Variants in MACROD2 observed in about 807,000 individuals in gnomAD.
The protein encoded by MACROD2 is mono-ADP ribosylhydrolase 2.
MACROD2 carries 36 observed loss-of-function variants against 70.4 expected under a neutral mutation model. The ratio of observed to expected loss-of-function variants is 0.51; its 90% CI spans 0.39 to 0.68. The LOEUF is 0.68. Among genes scored for constraint, MACROD2 ranks in the 30% least tolerant of loss-of-function variants. The pLI is 0.00. For synonymous variants in MACROD2, 172 were observed against 178.8 expected, an observed-to-expected ratio of 0.96 and a Z score of 0.30; for missense variants, 496 against 538.4, an observed-to-expected ratio of 0.92 and a Z score of 0.78.
At position 15,967,589 on chromosome 20, in the gene MACROD2, A is replaced by G. The variant is rs1270902419; in HGVS notation, c.944A>G (p.Glu315Gly). Residue 315 changes from glutamate to glycine, a missense_variant, in exon 13 of 18, where the codon GAA becomes GGA. Glu to Gly is a moderately conservative substitution (Grantham distance 98). Transcript: ENST00000684519. ...AKDENITKGG[E>G]VTDHSVRDQD... ...GATGAAAATATTACAAAAGGCGGTG[A>G]AGTGACAGATCATTCTGTGCGTGAC... is the stretch of plus-strand genomic sequence containing the variant. The G allele has an allele frequency of 1.2e-6, 2 of 1,611,776 alleles. No homozygotes were observed. The highest frequency in any genetic ancestry group is 4.5e-5 in the East Asian group (2 of 44,748).
chr20:15,709,851 C>T (rs1044482132), intron 8 of MACROD2, among the ~76,000 whole-genome samples: 2 of 151,870 alleles, frequency 1.3e-5, no homozygotes, highest in African/African-American at 4.8e-5. Flanking sequence ...CTGTAGCCAC[C>T]CTATAATACT....
At chr20:15,206,751 A>T in intron 5 of MACROD2, among the ~76,000 whole-genome samples, 1 of 19,998 alleles carries the variant, frequency 5.0e-5, no homozygotes, top group Non-Finnish European at 8.8e-5. Context: ...TTTTTTTGAG[A>T]CGGAGTCTCG....
At chr20:15,866,487 C>G (rs539183788) in intron 9 of MACROD2, among the ~76,000 whole-genome samples, 3 of 152,012 alleles carry the variant, frequency 2.0e-5, no homozygotes, top group African/African-American at 7.2e-5. Flanking sequence ...AAGGCAGCAA[C>G]TATATGAAAC....
chr20:14,428,865 G>A (rs1233532601), intron 3 of MACROD2, among the ~76,000 whole-genome samples: 4 of 152,136 alleles, frequency 2.6e-5, no homozygotes, highest in Admixed American at 2.6e-4. Flanking sequence ...ATACTCCTGA[G>A]TCTATAGGGA....
At chr20:14,515,743 CT>C (rs1238276191) in intron 4 of MACROD2, among the ~76,000 whole-genome samples, 1 of 151,908 alleles carries the variant, frequency 6.6e-6, no homozygotes, top group Non-Finnish European at 1.5e-5. Flanking sequence ...TTGAAGGATA[CT>C]AAATTCCATT....
chr20:14,663,927 A>G (rs1237651262), intron 4 of MACROD2, among the ~76,000 whole-genome samples: 2 of 152,018 alleles, frequency 1.3e-5, no homozygotes, highest in African/African-American at 2.4e-5. Context: ...TTTGTGTCTT[A>G]TGGCCATTAA....
At chr20:14,005,045 A>G (rs1327969262) in intron 2 of MACROD2, among the ~76,000 whole-genome samples, 1 of 152,170 alleles carries the variant, frequency 6.6e-6, no homozygotes, top group Non-Finnish European at 1.5e-5. Context: ...TGTTATTATA[A>G]TACAATAGAA....
chr20:14,095,526 T>C (rs1402953399), intron 3 of MACROD2, among the ~76,000 whole-genome samples: 2 of 152,216 alleles, frequency 1.3e-5, no homozygotes, highest in South Asian at 2.1e-4. Context: ...CCTCTGGTTA[T>C]ACAGCCAGTA....
chr20:14,285,494 A>T (rs766837341), intron 3 of MACROD2, among the ~76,000 whole-genome samples: 4 of 152,094 alleles, frequency 2.6e-5, no homozygotes, highest in Non-Finnish European at 4.4e-5. Context: ...AACCCTATTC[A>T]GTTATTTTGT....
intron 5 of MACROD2, among the ~76,000 whole-genome samples, chr20:14,759,887 A>C (rs2123750832): frequency 6.6e-6 from 1 of 152,208 alleles, no homozygotes; most frequent in Admixed American, 6.5e-5. Flanking sequence ...TTTTCTGATT[A>C]TCAAGGAGGA....
chr20:15,692,321 G>A (rs1275768799), intron 8 of MACROD2, among the ~76,000 whole-genome samples: 1 of 152,170 alleles, frequency 6.6e-6, no homozygotes, highest in Non-Finnish European at 1.5e-5. Flanking sequence ...CCAAGAGCCA[G>A]CATGCCTGTC....
chr20:14,421,237 A>G (rs1052187359), intron 3 of MACROD2, among the ~76,000 whole-genome samples: 4 of 152,214 alleles, frequency 2.6e-5, no homozygotes, highest in African/African-American at 9.6e-5. Context: ...AACGAGGCAG[A>G]AAGTGTTCCT....
At chr20:15,172,454 A>G (rs2076429701) in intron 5 of MACROD2, among the ~76,000 whole-genome samples, 1 of 152,192 alleles carries the variant, frequency 6.6e-6, no homozygotes, top group African/African-American at 2.4e-5. Flanking sequence ...TTGTGCAGTC[A>G]TAGCTCATTG....
chr20:14,292,836 T>C (rs1428489770), intron 3 of MACROD2, among the ~76,000 whole-genome samples: 1 of 151,836 alleles, frequency 6.6e-6, no homozygotes, highest in Non-Finnish European at 1.5e-5. Context: ...GGTTTTGCCA[T>C]GTTAGTGAGG....
At chr20:15,390,307 A>G (rs528608143) in intron 6 of MACROD2, among the ~76,000 whole-genome samples, 1 of 152,284 alleles carries the variant, frequency 6.6e-6, no homozygotes, top group East Asian at 1.9e-4. Context: ...CAAACCCCCT[A>G]TGAAATACAG....
intron 8 of MACROD2, among the ~76,000 whole-genome samples, chr20:15,752,338 GA>G (rs1042816243): frequency 2.0e-5 from 3 of 151,970 alleles, no homozygotes; most frequent in Non-Finnish European, 4.4e-5. Context: ...AAATAGTTGG[GA>G]AGAAAAGGTT....
chr20:14,918,608 GT>G (rs201816737), intron 5 of MACROD2, among the ~76,000 whole-genome samples: 3 of 135,628 alleles, frequency 2.2e-5, no homozygotes, highest in Non-Finnish European at 4.7e-5. Context: ...GTGACACTGT[GT>G]TTTTTTTGTT....
At chr20:14,594,020 C>A (rs960006608) in intron 4 of MACROD2, among the ~76,000 whole-genome samples, 4 of 152,120 alleles carry the variant, frequency 2.6e-5, no homozygotes, top group African/African-American at 9.7e-5. Flanking sequence ...CTTTCAGAGA[C>A]TAAGACTCTC....
intron 5 of MACROD2, among the ~76,000 whole-genome samples, chr20:14,696,336 C>G (rs2071126312): frequency 6.6e-6 from 1 of 152,134 alleles, no homozygotes; most frequent in Non-Finnish European, 1.5e-5. Flanking sequence ...TTTACCTTTG[C>G]CACTCACATG....
Sources: gnomAD v4.1 joint callset for allele counts (sites outside exome capture counted in the v4.1 genomes callset) on GRCh38, gnomAD v4.1.1 for gene constraint, MANE v1.5 for transcripts, NCBI Gene and HGNC (gene_info 2026-07-23, HGNC 2026-07-21) for gene names.